The following PTPRN2 variants were observed in gnomAD, a reference collection of about 807,000 sequenced individuals.
The protein encoded by PTPRN2 is protein tyrosine phosphatase receptor type N2.
Under a neutral mutation model 118.8 loss-of-function variants are expected in PTPRN2, and 74 were observed. The observed-to-expected ratio is 0.62, with a 90% confidence interval of 0.52 to 0.76. The LOEUF (loss-of-function observed/expected upper bound fraction) is 0.76. Ranked by LOEUF, PTPRN2 falls within the 30% of genes least tolerant of loss-of-function variation. PTPRN2 has a pLI of 0.00. For missense variants in PTPRN2, 1,481 were observed against 1,394.4 expected, an observed-to-expected ratio of 1.06 and a Z score of -0.99; for synonymous variants, 641 against 608.0, an observed-to-expected ratio of 1.05 and a Z score of -0.80.
At chr7:158,173,437 G>C (rs902548694) in intron 5 of PTPRN2, among the ~76,000 whole-genome samples, 3 of 152,208 alleles carry the variant, frequency 2.0e-5, no homozygotes, top group Non-Finnish European at 2.9e-5. Flanking sequence ...GATTTCAAAA[G>C]GGGAGGGGTG....
intron 22 of PTPRN2, 34 bp from the exon 23 acceptor site, chr7:157,540,819 G>C: frequency 6.6e-7 from 1 of 1,515,766 alleles, no homozygotes; most frequent in Non-Finnish European, 9.0e-7. Flanking sequence ...GTGCCAATGA[G>C]AGCGGCGTCC....
chr7:157,862,668 G>A (rs1398357813), intron 12 of PTPRN2: 2 of 152,268 alleles, frequency 1.3e-5, no homozygotes, highest in Non-Finnish European at 2.9e-5. Context: ...TATTTCCAGT[G>A]CTGAGCACAG....
chr7:157,909,895 TAAGTGAC>T (rs1797986403), intron 11 of PTPRN2, among the ~76,000 whole-genome samples: 1 of 152,238 alleles, frequency 6.6e-6, no homozygotes, highest in African/African-American at 2.4e-5. Flanking sequence ...AGGGAATGAA[TAAGTGAC>T]TTATAGGAAG....
At position 158,136,315 on chromosome 7, in the gene PTPRN2, G is replaced by A. The variant is rs116972797; in HGVS notation, c.1173+340C>T. 3.9e-5 allele frequency among the ~76,000 whole-genome samples: 6 copies of A among 152,374 alleles called. No homozygotes were observed. In the East Asian group the frequency reaches 7.7e-4, roughly 20 times the overall value. ...AACCCCTCAGGAATCCGCACATGCA[G>A]GAGGCATCAAATGTGCAAAGTGGGC... is the stretch of plus-strand genomic sequence containing the variant. On this transcript the variant is annotated intron_variant, in intron 8 of 22. Coordinates refer to ENST00000389418, the MANE Select transcript of PTPRN2 (RefSeq NM_002847.5).
chr7:158,518,793 T>G (rs987404038), intron 1 of PTPRN2, among the ~76,000 whole-genome samples: 1 of 152,140 alleles, frequency 6.6e-6, no homozygotes, highest in Non-Finnish European at 1.5e-5. Flanking sequence ...AAGACCAGCC[T>G]GGGCAACATG....
At chr7:157,830,606 A>AC (rs1295917582) in intron 12 of PTPRN2, among the ~76,000 whole-genome samples, 1 of 152,016 alleles carries the variant, frequency 6.6e-6, no homozygotes, top group Admixed American at 6.6e-5. Context: ...CACACACATC[A>AC]CCACATGCTG....
At chr7:158,336,650 C>CATGTCACTCACACCCACACAT (rs770426497) in intron 2 of PTPRN2, among the ~76,000 whole-genome samples, 5 of 86,098 alleles carry the variant, frequency 5.8e-5, no homozygotes, top group African/African-American at 2.4e-4. Flanking sequence ...CACACCCACA[C>CATGTCACTCACACCCACACAT]GTCACTCACA....
chr7:157,993,075 G>A (rs888286398), intron 11 of PTPRN2, among the ~76,000 whole-genome samples: 5 of 152,192 alleles, frequency 3.3e-5, no homozygotes, highest in African/African-American at 1.2e-4. Context: ...CACGCTTCAG[G>A]AGGATCATCG....
Position 158,132,719 on chromosome 7 carries a change from C to T in PTPRN2, c.1556+958G>A, listed in dbSNP as rs186445540. ...CAACACACATTCATATACATACGCA[C>T]AGATACACATTTACCCAACATACAC... On this transcript the variant is annotated intron_variant, in intron 9 of 22. Coordinates refer to ENST00000389418, the MANE Select transcript of PTPRN2 (RefSeq NM_002847.5). Among the ~76,000 whole-genome samples, 515 of 151,512 alleles carry T rather than the reference C, an allele frequency of 3.4e-3. 3 individuals are homozygous for T. The highest frequency in any genetic ancestry group is 0.012 in the African/African-American group (489 of 41,258).
At chr7:158,380,785 G>A (rs1160934221) in intron 2 of PTPRN2, among the ~76,000 whole-genome samples, 2 of 152,236 alleles carry the variant, frequency 1.3e-5, no homozygotes, top group Admixed American at 6.5e-5. Flanking sequence ...CCCACCCCTG[G>A]AGCCAACTTC....
At chr7:158,512,025 C>A (rs1823214694) in intron 1 of PTPRN2, among the ~76,000 whole-genome samples, 2 of 152,058 alleles carry the variant, frequency 1.3e-5, no homozygotes, top group African/African-American at 4.8e-5. Flanking sequence ...CAAAGAGGAG[C>A]CTTAATTTAT....
intron 1 of PTPRN2, among the ~76,000 whole-genome samples, chr7:158,578,660 A>C (rs973553188): frequency 6.6e-6 from 1 of 151,916 alleles, no homozygotes; most frequent in Non-Finnish European, 1.5e-5. Flanking sequence ...GGAACACAGT[A>C]CTTGATAAGT....
intron 3 of PTPRN2, among the ~76,000 whole-genome samples, chr7:158,249,560 GCA>G (rs1359545874): frequency 6.7e-6 from 1 of 148,526 alleles, no homozygotes; most frequent in South Asian, 2.2e-4. Context: ...TACCACACCT[GCA>G]CACACACACC....
intron 2 of PTPRN2, among the ~76,000 whole-genome samples, chr7:158,321,935 C>G (rs34941262): frequency 0.42 from 63,309 of 152,106 alleles, 13,398 homozygotes; most frequent in East Asian, 0.57. Context: ...ATCATAAACC[C>G]TTCCGGCAAA....
chr7:157,661,422 C>T (rs1203361792), intron 13 of PTPRN2, among the ~76,000 whole-genome samples: 1 of 152,276 alleles, frequency 6.6e-6, no homozygotes, highest in East Asian at 1.9e-4. Context: ...CGGCCGGGGA[C>T]GCTGCTCTTG....
rs139831642 is a variant in PTPRN2 at position 158,495,904 on chromosome 7, AGGAAGAG to A, written c.113-6126_113-6120del. 1.8e-4 allele frequency among the ~76,000 whole-genome samples: 28 copies of A among 152,136 alleles called. No homozygotes were observed. The East Asian group carries it at 5.4e-3, about 30-fold the overall frequency. On this transcript the variant is annotated intron_variant, in intron 1 of 22. Coordinates refer to ENST00000389418, the MANE Select transcript of PTPRN2 (RefSeq NM_002847.5). ...CTGTGATTGCAATTTCAAAGACAAA[AGGAAGAG>A]GGAGAGAGGGAGGAGGAAGGCTCCT...
rs1346720919 is a variant in PTPRN2, at chr7:157,540,674, C to T, written c.*40G>A. ...TCAGATCATGATTCCTGACAACATC[C>T]GTGGGGTGGGGGCTCCCCTGAGGCC... On this transcript the variant is annotated 3_prime_UTR_variant, in exon 23 of 23. Transcript: ENST00000389418. The T allele has an allele frequency of 8.2e-6, 12 of 1,460,764 alleles. No homozygotes were observed. Among genetic ancestry groups the T allele is most frequent in the East Asian group, 2.5e-5 (1 of 40,552 alleles). The allele number at this position is 1,460,764 out of a possible 1,614,324, so 90.5% of individuals were successfully genotyped here.
chr7:158,320,188 CGT>C (rs373165055), intron 2 of PTPRN2, among the ~76,000 whole-genome samples: 18 of 110,392 alleles, frequency 1.6e-4, no homozygotes, highest in African/African-American at 4.6e-4. Flanking sequence ...CAGCCTCCCT[CGT>C]ACACACACAG....
intron 2 of PTPRN2, among the ~76,000 whole-genome samples, chr7:158,395,470 G>C (rs58374175): frequency 3.9e-5 from 1 of 25,532 alleles, no homozygotes; most frequent in Non-Finnish European, 8.1e-5. Context: ...AGGGGCGAGG[G>C]GCGAGGGGCC....
Sources: allele counts gnomAD v4.1 joint callset (sites outside exome capture counted in the v4.1 genomes callset), GRCh38; gene constraint gnomAD v4.1.1; transcripts MANE v1.5; gene names NCBI Gene and HGNC (gene_info 2026-07-23, HGNC 2026-07-21).